TSHZ2: variants seen among roughly 807,000 people sequenced by gnomAD.
The protein encoded by TSHZ2 is teashirt homolog 2.
TSHZ2 carries 21 observed loss-of-function variants against 74.4 expected under a neutral mutation model. That is an observed-to-expected ratio of 0.28 (90% confidence interval 0.20 to 0.41). TSHZ2 has a LOEUF of 0.41. Among genes scored for constraint, TSHZ2 ranks in the 10% least tolerant of loss-of-function variants. TSHZ2 has a pLI of 1.00. For missense variants in TSHZ2, 1,244 were observed against 1,293.5 expected (o/e 0.96, Z 0.59); for synonymous variants, 540 against 515.3 (o/e 1.05, Z -0.65).
intron 1 of TSHZ2, among the ~76,000 whole-genome samples, chr20:53,173,536 G>A (rs1410175670): frequency 6.6e-6 from 1 of 152,112 alleles, no homozygotes; most frequent in Admixed American, 6.5e-5. Flanking sequence ...TGAGCCCGGG[G>A]GGCAGAGGTT....
intron 1 of TSHZ2, among the ~76,000 whole-genome samples, chr20:53,224,914 T>A (rs1394310997): frequency 6.6e-6 from 1 of 152,038 alleles, no homozygotes; most frequent in Admixed American, 6.6e-5. Context: ...GTGTACCCTG[T>A]CCCACAAGAA....
chr20:53,191,468 G>T (rs1464540187), intron 1 of TSHZ2, among the ~76,000 whole-genome samples: 2 of 152,192 alleles, frequency 1.3e-5, no homozygotes. Flanking sequence ...TTTGAAACCA[G>T]CCTGGGCAAC....
chr20:53,321,695 A>AAAAAAAAT, intron 2 of TSHZ2, among the ~76,000 whole-genome samples: 1 of 149,832 alleles, frequency 6.7e-6, no homozygotes, highest in South Asian at 2.1e-4. Flanking sequence ...AAAAAAAAAA[A>AAAAAAAAT]AAAAAGAAAG....
intron 1 of TSHZ2, among the ~76,000 whole-genome samples, chr20:53,200,450 T>C (rs1379599879): frequency 6.6e-6 from 1 of 152,168 alleles, no homozygotes; most frequent in Non-Finnish European, 1.5e-5. Flanking sequence ...AACTTGAACT[T>C]TGAGTATTTT....
At chr20:53,092,362 A>T (rs1337243233) in intron 1 of TSHZ2, among the ~76,000 whole-genome samples, 1 of 152,148 alleles carries the variant, frequency 6.6e-6, no homozygotes, top group African/African-American at 2.4e-5. Flanking sequence ...CCGTCTTAAC[A>T]CTAGCCACCA....
intron 2 of TSHZ2, chr20:53,401,066 AAC>A (rs1345411730): frequency 6.6e-6 from 1 of 152,204 alleles, no homozygotes; most frequent in African/African-American, 2.4e-5. Context: ...CCAGCCCGAG[AAC>A]ACACAGCAGC....
chr20:53,361,942 C>G (rs188410781), intron 2 of TSHZ2, among the ~76,000 whole-genome samples: 1 of 150,584 alleles, frequency 6.6e-6, no homozygotes, highest in Non-Finnish European at 1.5e-5. Flanking sequence ...TTTCTGGAGA[C>G]AGAGTCTCAC....
chr20:53,154,909 A>T (rs1407255245), intron 1 of TSHZ2, among the ~76,000 whole-genome samples: 1 of 152,152 alleles, frequency 6.6e-6, no homozygotes, highest in Non-Finnish European at 1.5e-5. Context: ...GCATTTAATT[A>T]GTTCTTCTGC....
At chr20:53,291,563 A>C (rs1991279090) in intron 2 of TSHZ2, among the ~76,000 whole-genome samples, 1 of 152,136 alleles carries the variant, frequency 6.6e-6, no homozygotes, top group African/African-American at 2.4e-5. Flanking sequence ...CAGCTAACAG[A>C]AAAAAAGTTT....
chr20:53,319,176 G>A (rs183034421), intron 2 of TSHZ2, among the ~76,000 whole-genome samples: 101 of 152,254 alleles, frequency 6.6e-4, no homozygotes, highest in East Asian at 1.9e-3. Context: ...CACTCATTTC[G>A]TTCAGCTAAT....
chr20:53,077,409 TCA>T (rs1568748425), intron 1 of TSHZ2, among the ~76,000 whole-genome samples: 1 of 26,836 alleles, frequency 3.7e-5, no homozygotes, highest in African/African-American at 2.5e-4. Flanking sequence ...AGACTCTACC[TCA>T]AAAAAAAAAA....
At chr20:53,269,884 AATTAT>A (rs1990798782) in intron 2 of TSHZ2, among the ~76,000 whole-genome samples, 2 of 152,200 alleles carry the variant, frequency 1.3e-5, no homozygotes, top group Admixed American at 1.3e-4. Context: ...CACATAGGTT[AATTAT>A]ATTATCAGTA....
chr20:53,415,563 A>G (rs1983209124), intron 2 of TSHZ2, among the ~76,000 whole-genome samples: 1 of 152,056 alleles, frequency 6.6e-6, no homozygotes, highest in South Asian at 2.1e-4. Context: ...ACTATTACAG[A>G]TAATTTACCT....
chr20:53,197,702 A>C (rs772504891), intron 1 of TSHZ2, among the ~76,000 whole-genome samples: 3 of 152,238 alleles, frequency 2.0e-5, no homozygotes, highest in Non-Finnish European at 4.4e-5. Context: ...CCGTTTCTGC[A>C]AAATGCTGTT....
At chr20:53,283,835 A>C (rs914438771) in intron 2 of TSHZ2, among the ~76,000 whole-genome samples, 1 of 152,186 alleles carries the variant, frequency 6.6e-6, no homozygotes, top group African/African-American at 2.4e-5. Flanking sequence ...TCCAAGATAA[A>C]CAGATTAACC....
In TSHZ2 at chr20:53,253,574, T is replaced by C; in HGVS notation, c.116T>C (p.Val39Ala). 1 of 1,614,038 alleles carries C rather than the reference T, an allele frequency of 6.2e-7. No homozygotes were observed. Among genetic ancestry groups the C allele is most frequent in the Non-Finnish European group, 8.5e-7 (1 of 1,179,998 alleles). Residue 39 changes from valine to alanine, a missense_variant, in exon 2 of 3, where the codon GTA (valine) becomes GCA (alanine). This residue lies in a region of TSHZ2 where 470 missense variants were observed against 456.5 expected (regional missense o/e 1.03). Transcript: ENST00000371497. ...EEEEEEDSGSVAQLQGGNDTG... is the reference protein window; with the variant it reads ...EEEEEEDSGSAAQLQGGNDTG... ...GAGGAGGAGGAGGACAGCGGTTCAG[T>C]AGCTCAACTGCAGGGTGGCAATGAC...
chr20:53,052,046 T>C (rs1291114210), intron 1 of TSHZ2, among the ~76,000 whole-genome samples: 1 of 152,194 alleles, frequency 6.6e-6, no homozygotes, highest in Non-Finnish European at 1.5e-5. Flanking sequence ...AGAAGTGTCA[T>C]GTATATTTGC....
rs1297525058 is a variant in TSHZ2, at chr20:53,491,991, A to G, written c.*4856A>G. ...GCTTAAAACAGCTTTTAGAAGTACA[A>G]GTAATAACTTTTTGATAAGAAACCC... On this transcript the variant is annotated 3_prime_UTR_variant, in exon 3 of 3. Transcript: ENST00000371497. The G allele has an allele frequency of 1.3e-5, 2 of 151,796 alleles. No individual in the cohort carries two copies. The highest frequency in any genetic ancestry group is 1.9e-4 in the East Asian group (1 of 5,146). 9.4% of individuals were successfully genotyped at this position (151,796 alleles called of 1,614,324 possible).
intron 2 of TSHZ2, among the ~76,000 whole-genome samples, chr20:53,375,558 T>C (rs1268202094): frequency 6.6e-6 from 1 of 152,174 alleles, no homozygotes; most frequent in African/African-American, 2.4e-5. Flanking sequence ...GTCCCTTTTT[T>C]ACCTAGGAAG....
Sources: gnomAD v4.1 joint callset for allele counts (sites outside exome capture counted in the v4.1 genomes callset) on GRCh38, gnomAD v4.1.1 for gene constraint, gnomAD v4.1.1 regional missense constraint, MANE v1.5 for transcripts, NCBI Gene and HGNC (gene_info 2026-07-23, HGNC 2026-07-21) for gene names.